The following HMCN1 variants were observed in gnomAD, a reference collection of about 807,000 sequenced individuals.
HMCN1 encodes hemicentin 1.
In HMCN1, 321 loss-of-function variants were observed where a neutral mutation model predicts 625.9. That is an observed-to-expected ratio of 0.51 (90% CI 0.47 to 0.56). HMCN1 has a LOEUF of 0.56. HMCN1 is among the 20% of genes least tolerant of loss of function. The probability of loss-of-function intolerance (pLI) is 0.00; values close to 1 mark genes in which losing one functional copy is unlikely to be tolerated. For synonymous variants in HMCN1, 2,425 were observed against 2,417.6 expected (o/e 1.00, Z -0.09); for missense variants, 6,588 against 6,887.3 (o/e 0.96, Z 1.54).
rs886045699 is a variant in HMCN1, at chr1:186,190,805, T to C, written c.*927T>C. 1.0e-5 allele frequency: 2 copies of C among 194,086 alleles called. No homozygotes were observed. Among genetic ancestry groups the C allele is most frequent in the Non-Finnish European group, 1.1e-5 (1 of 92,852 alleles). The allele number at this position is 194,086 out of a possible 1,614,324, so 12.0% of individuals were successfully genotyped here. On this transcript the variant is annotated 3_prime_UTR_variant, in exon 107 of 107. Transcript: ENST00000271588. ...GACTCTAAGCAATTGCCAAGATGTA[T>C]TCTATTTTTATGAAGTGTATATATA...
At chr1:185,853,755 G>T (rs184699857) in intron 2 of HMCN1, among the ~76,000 whole-genome samples, 1 of 152,276 alleles carries the variant, frequency 6.6e-6, no homozygotes, top group African/African-American at 2.4e-5. Flanking sequence ...AATATTGAAG[G>T]CTATTTTGAC....
intron 4 of HMCN1, among the ~76,000 whole-genome samples, chr1:185,904,660 A>C (rs1160633379): frequency 6.6e-6 from 1 of 151,876 alleles, no homozygotes; most frequent in East Asian, 1.9e-4. Context: ...CCTTCTTATT[A>C]GCTGTATATC....
chr1:186,087,655 T>C lies in HMCN1; in HGVS notation c.9363+10T>C. 1 of 1,611,816 alleles carries C rather than the reference T, an allele frequency of 6.2e-7. No homozygotes were observed. The highest frequency in any genetic ancestry group is 2.2e-5 in the East Asian group (1 of 44,834). On this transcript the variant is annotated intron_variant, in intron 60 of 106. Transcript: ENST00000271588. ...CATTAAGAAAGCTGAGGTGCATCTT[T>C]TATTCTTGTTTGAGTGTCATGACAC...
chr1:186,159,569 C>G (rs1651289906), intron 97 of HMCN1, among the ~76,000 whole-genome samples: 1 of 152,100 alleles, frequency 6.6e-6, no homozygotes, highest in South Asian at 2.1e-4. Flanking sequence ...TCATAGATAG[C>G]TCTTATTATT....
Position 186,190,300 on chromosome 1 carries a change from A to C in HMCN1, c.*422A>C, listed in dbSNP as rs145533442. 4.6e-3 allele frequency: 1,019 copies of C among 222,950 alleles called. 11 individuals are homozygous for C. Among genetic ancestry groups the C allele is most frequent in the African/African-American group, 0.021 (947 of 44,078 alleles). 13.8% of individuals were successfully genotyped at this position (222,950 alleles called of 1,614,324 possible). On this transcript the variant is annotated 3_prime_UTR_variant, in exon 107 of 107. Coordinates refer to ENST00000271588, the MANE Select transcript of HMCN1 (RefSeq NM_031935.3). ...TTTAGAATCATAAAATTAGTTACTA[A>C]GTATTTTGATCAAAGCTTATAAAAT...
chr1:186,076,583 C>A lies in HMCN1; in HGVS notation c.8446C>A (p.His2816Asn). Residue 2816 changes from histidine to asparagine, a missense_variant, in exon 54 of 107, where the codon CAC (histidine) becomes AAC (asparagine). His to Asn is a moderately conservative substitution (Grantham distance 68). This residue lies in a region of HMCN1 where 4,628 missense variants were observed against 4,853.1 expected (regional missense o/e 0.95). Coordinates refer to ENST00000271588, the MANE Select transcript of HMCN1 (RefSeq NM_031935.3). Reference sequence around the variant, plus strand: ...TACACTGACATGGTACAAAGATGGCCACCCTCTGACCTCAAGTGATAAAGT... The same window carrying A: ...TACACTGACATGGTACAAAGATGGCAACCCTCTGACCTCAAGTGATAAAGT... ...PPTLTWYKDG[H>N]PLTSSDKVLI... The A allele has an allele frequency of 6.2e-7, 1 of 1,613,740 alleles. No individual in the cohort carries two copies. Among genetic ancestry groups the A allele is most frequent in the Non-Finnish European group, 8.5e-7 (1 of 1,179,808 alleles).
chr1:185,844,567 A>G (rs1246856545), intron 1 of HMCN1, among the ~76,000 whole-genome samples: 1 of 152,232 alleles, frequency 6.6e-6, no homozygotes, highest in African/African-American at 2.4e-5. Flanking sequence ...CTTTAAAGCT[A>G]GAAAACATTT....
chr1:185,976,670 T>C (rs1651240198), intron 15 of HMCN1, among the ~76,000 whole-genome samples: 1 of 152,180 alleles, frequency 6.6e-6, no homozygotes, highest in African/African-American at 2.4e-5. Flanking sequence ...ATTAACTATC[T>C]GTGTTTCAGT....
At chr1:185,838,476 A>T (rs1661300534) in intron 1 of HMCN1, among the ~76,000 whole-genome samples, 1 of 152,052 alleles carries the variant, frequency 6.6e-6, no homozygotes, top group South Asian at 2.1e-4. Flanking sequence ...TTGTTCCCAT[A>T]TACAGATTCC....
At chr1:186,181,973 A>T (rs1652961332) in intron 104 of HMCN1, among the ~76,000 whole-genome samples, 195 bp from the exon 105 acceptor site, 1 of 152,202 alleles carries the variant, frequency 6.6e-6, no homozygotes, top group Non-Finnish European at 1.5e-5. Context: ...TACTGTGTAT[A>T]TAGTACTATA....
chr1:185,936,017 CAAAAT>C (rs567094461), intron 11 of HMCN1, among the ~76,000 whole-genome samples: 170 of 152,054 alleles, frequency 1.1e-3, no homozygotes, highest in African/African-American at 3.7e-3. Flanking sequence ...ACTTAAAAGA[CAAAAT>C]AATACTTGGA....
At chr1:185,922,297 C>T in intron 6 of HMCN1, 82 bp from the exon 7 acceptor site, 1 of 1,442,692 alleles carries the variant, frequency 6.9e-7, no homozygotes, top group Non-Finnish European at 9.7e-7. Context: ...AAATATTGTG[C>T]AGTTTCCCAT....
intron 8 of HMCN1, among the ~76,000 whole-genome samples, chr1:185,924,584 T>C (rs779451432): frequency 3.3e-5 from 5 of 152,118 alleles, no homozygotes. Flanking sequence ...TTTCCTCATA[T>C]ACGATATTCA....
Position 185,977,950 on chromosome 1 carries a change from C to T in HMCN1, c.2535C>T (p.Ser845=). ...GACCTTTTTCAGTTAGTTCCATCAG[C>T]CAACTAAGAACAGGAGCTCTCTTTA... ...FSRPFSVSSI[S]QLRTGALFIL... Residue 845 remains serine (S), a synonymous_variant, in exon 16 of 107, where the codon AGC becomes AGT. Transcript: ENST00000271588. 6.2e-7 allele frequency: 1 copy of T among 1,612,900 alleles called. No individual in the cohort carries two copies. Among genetic ancestry groups the T allele is most frequent in the African/African-American group, 1.3e-5 (1 of 74,946 alleles).
At position 186,062,512 on chromosome 1, in the gene HMCN1, A is replaced by G. The variant is rs780087886; in HGVS notation, c.7427-2A>G. On this transcript the variant is annotated splice_acceptor_variant, in intron 47 of 106. Transcript: ENST00000271588. LOFTEE classifies it high-confidence loss of function. The stretch of plus-strand genomic sequence containing the variant: ...TATTTTGTTGTTGTTGTTGTTTTTT[A>G]GTACCACCTCATATTGTGGGTGAAA... 6.3e-7 allele frequency: 1 copy of G among 1,588,464 alleles called. No homozygotes were observed.
intron 2 of HMCN1, 124 bp from the exon 3 acceptor site, chr1:185,864,346 C>A: frequency 1.1e-6 from 1 of 872,780 alleles, no homozygotes; most frequent in Non-Finnish European, 1.9e-6. Flanking sequence ...AACAAAGTGT[C>A]AAACTGACAG....
Position 186,129,984 on chromosome 1 carries a change from AT to A in HMCN1, c.12924del (p.Asn4308LysfsTer30). ...CCCTCAGCCCACTTTGACAGTGTGA[AT>A]GGACACAGTGAACTTGTTATTGAAA... ...NIIPAHFDSV[N>X]GHSELVIERV... On this transcript the variant is annotated frameshift_variant, in exon 84 of 107. Transcript: ENST00000271588. LOFTEE classifies it high-confidence loss of function. The A allele has an allele frequency of 1.9e-6, 3 of 1,613,054 alleles. No individual in the cohort carries two copies. The highest frequency in any genetic ancestry group is 2.5e-6 in the Non-Finnish European group (3 of 1,179,274).
chr1:185,845,409 C>T (rs1370271698), intron 1 of HMCN1, among the ~76,000 whole-genome samples: 4 of 151,888 alleles, frequency 2.6e-5, no homozygotes, highest in African/African-American at 7.3e-5. Flanking sequence ...TTAGTAGAGA[C>T]GGGGTTTCAC....
chr1:186,120,516 G>T (rs981705459), intron 80 of HMCN1, among the ~76,000 whole-genome samples: 12 of 152,080 alleles, frequency 7.9e-5, no homozygotes, highest in African/African-American at 2.7e-4. Context: ...AATCATAATC[G>T]CAGTTAAACC....
Sources: allele counts gnomAD v4.1 joint callset (sites outside exome capture counted in the v4.1 genomes callset), GRCh38; gene constraint gnomAD v4.1.1; regional missense constraint gnomAD v4.1.1; transcripts MANE v1.5; gene names NCBI Gene and HGNC (gene_info 2026-07-23, HGNC 2026-07-21).